Variants in PPP1R9A observed in about 807,000 individuals in gnomAD.
PPP1R9A encodes the protein protein phosphatase 1 regulatory subunit 9A.
Under a neutral mutation model 141.9 loss-of-function variants are expected in PPP1R9A, and 59 were observed. The ratio of observed to expected loss-of-function variants is 0.42; its 90% confidence interval spans 0.34 to 0.52. The LOEUF (loss-of-function observed/expected upper bound fraction) is 0.52. Among genes scored for constraint, PPP1R9A ranks in the 20% least tolerant of loss-of-function variants. The pLI, the probability that PPP1R9A is intolerant of heterozygous loss-of-function variation, is 0.10. For missense variants in PPP1R9A, 1,444 were observed against 1,611.9 expected (o/e 0.90, Z 1.78); for synonymous variants, 500 against 569.7 (o/e 0.88, Z 1.74).
chr7:95,048,936 C>G (rs1193723287), intron 2 of PPP1R9A, among the ~76,000 whole-genome samples: 1 of 151,956 alleles, frequency 6.6e-6, no homozygotes, highest in Admixed American at 6.6e-5. Flanking sequence ...TCAGTTATAT[C>G]TATAAATTTA....
At chr7:95,250,877 A>G (rs1798782280) in intron 10 of PPP1R9A, among the ~76,000 whole-genome samples, 1 of 151,206 alleles carries the variant, frequency 6.6e-6, no homozygotes, top group Non-Finnish European at 1.5e-5. Context: ...CATCTCTTGG[A>G]TCTCGGTGTA....
At position 95,286,345 on chromosome 7, in the gene PPP1R9A, A is replaced by G; in HGVS notation, c.3729+20A>G. On this transcript the variant is annotated intron_variant, in intron 18 of 19. Transcript: ENST00000433360. Reference sequence around the variant, plus strand: ...GATGAGGTAATTCCATGGCACTATGACAGAGCTGCTTTGTCAAATCTGACG... The same window carrying G: ...GATGAGGTAATTCCATGGCACTATGGCAGAGCTGCTTTGTCAAATCTGACG... 1 of 1,610,794 alleles carries G rather than the reference A, an allele frequency of 6.2e-7. No individual in the cohort carries two copies. Among genetic ancestry groups the G allele is most frequent in the Non-Finnish European group, 8.5e-7 (1 of 1,178,512 alleles).
intron 2 of PPP1R9A, among the ~76,000 whole-genome samples, chr7:95,101,525 T>A (rs1818796060): frequency 6.6e-6 from 1 of 152,164 alleles, no homozygotes; most frequent in Non-Finnish European, 1.5e-5. Context: ...TGAAAGGTCT[T>A]GCCTCCGCAG....
intron 10 of PPP1R9A, among the ~76,000 whole-genome samples, chr7:95,250,505 C>T (rs905362436): frequency 6.6e-6 from 1 of 152,052 alleles, no homozygotes; most frequent in Non-Finnish European, 1.5e-5. Context: ...GATAATTAAT[C>T]GTTGTTTATA....
chr7:95,095,714 T>C lies in PPP1R9A; in HGVS notation c.1396-15545T>C, dbSNP rs573570798. On this transcript the variant is annotated intron_variant, in intron 2 of 19. Coordinates refer to ENST00000433360, the MANE Select transcript of PPP1R9A (RefSeq NM_001166160.2). ...CTGCTTTTTCAGGGTAACATGATTATTTTTTAACATGGATCACAGCTGCCC... is the reference window on the plus strand; with the variant it reads ...CTGCTTTTTCAGGGTAACATGATTACTTTTTAACATGGATCACAGCTGCCC... Among the ~76,000 whole-genome samples the C allele has an allele frequency of 1.1e-4, 17 of 152,328 alleles. 1 individual carries two copies. The South Asian group carries it at 3.5e-3, about 32-fold the overall frequency.
intron 2 of PPP1R9A, among the ~76,000 whole-genome samples, chr7:95,078,494 C>T (rs1250540206): frequency 6.6e-6 from 1 of 151,690 alleles, no homozygotes; most frequent in Non-Finnish European, 1.5e-5. Flanking sequence ...GGGTATATAC[C>T]CAGTAATGGG....
chr7:94,970,673 T>C (rs1157046105), intron 2 of PPP1R9A, among the ~76,000 whole-genome samples: 1 of 150,292 alleles, frequency 6.7e-6, no homozygotes, highest in East Asian at 2.0e-4. Flanking sequence ...TCTCTCTCTG[T>C]TGCCCAGGCT....
chr7:95,217,206 TC>T (rs1420775361), intron 7 of PPP1R9A, among the ~76,000 whole-genome samples: 1 of 152,224 alleles, frequency 6.6e-6, no homozygotes, highest in African/African-American at 2.4e-5. Context: ...AAAGGCCTTT[TC>T]TGCATCTATT....
At chr7:95,069,526 C>T (rs774717674) in intron 2 of PPP1R9A, among the ~76,000 whole-genome samples, 18 of 151,920 alleles carry the variant, frequency 1.2e-4, no homozygotes, top group East Asian at 1.9e-4. Flanking sequence ...AGACACTCCA[C>T]GGGTACCCCA....
chr7:94,964,694 A>G (rs1238545607), intron 2 of PPP1R9A, among the ~76,000 whole-genome samples: 2 of 152,168 alleles, frequency 1.3e-5, no homozygotes, highest in African/African-American at 4.8e-5. Context: ...ATAGTATTCC[A>G]TGGTATATAT....
At chr7:95,198,876 C>CA (rs1788901874) in intron 6 of PPP1R9A, among the ~76,000 whole-genome samples, 1 of 151,944 alleles carries the variant, frequency 6.6e-6, no homozygotes, top group Non-Finnish European at 1.5e-5. Context: ...AATGCTTTTC[C>CA]AAAAAATCAG....
chr7:94,908,660 C>T (rs1463721651), intron 1 of PPP1R9A: 1 of 152,270 alleles, frequency 6.6e-6, no homozygotes, highest in Non-Finnish European at 1.5e-5. Context: ...CCCCATCTCC[C>T]CCGCCCCCGC....
intron 16 of PPP1R9A, among the ~76,000 whole-genome samples, chr7:95,274,419 T>C (rs146955387): frequency 9.8e-4 from 150 of 152,352 alleles, no homozygotes; most frequent in African/African-American, 3.2e-3. Flanking sequence ...AATAAGTGTT[T>C]ATCTAAATTC....
At chr7:95,252,611 G>T (rs1799045576) in intron 12 of PPP1R9A, among the ~76,000 whole-genome samples, 1 of 151,690 alleles carries the variant, frequency 6.6e-6, no homozygotes, top group Non-Finnish European at 1.5e-5. Context: ...GTGACTATAG[G>T]CATGTGCTAC....
At chr7:95,027,355 G>T (rs2151783235) in intron 2 of PPP1R9A, among the ~76,000 whole-genome samples, 1 of 152,228 alleles carries the variant, frequency 6.6e-6, no homozygotes, top group Non-Finnish European at 1.5e-5. Flanking sequence ...CTGACCTCTT[G>T]CACTTCCTGG....
At chr7:95,062,653 G>T (rs1377931643) in intron 2 of PPP1R9A, among the ~76,000 whole-genome samples, 1 of 151,960 alleles carries the variant, frequency 6.6e-6, no homozygotes, top group Non-Finnish European at 1.5e-5. Flanking sequence ...CTCCCAAAGT[G>T]CTGGGATTAC....
chr7:95,172,543 CAA>C (rs1417108706), intron 5 of PPP1R9A, among the ~76,000 whole-genome samples: 3 of 151,666 alleles, frequency 2.0e-5, no homozygotes, highest in African/African-American at 7.2e-5. Flanking sequence ...TGACAGCATC[CAA>C]AATATTAAAT....
In PPP1R9A at chr7:95,200,269, CTT is replaced by C. The variant is rs761784471; in HGVS notation, c.1890+1797_1890+1798del. ...CCAAAAGTTGATATAAAATTTTGCT[CTT>C]TTTTTTTTTTTACGACACAGGGTCT... On this transcript the variant is annotated intron_variant, in intron 6 of 19. Coordinates refer to ENST00000433360, the MANE Select transcript of PPP1R9A (RefSeq NM_001166160.2). Among the ~76,000 whole-genome samples, 648 of 143,892 alleles carry C rather than the reference CTT, an allele frequency of 4.5e-3. 4 individuals are homozygous for C. Among genetic ancestry groups the C allele is most frequent in the African/African-American group, 0.014 (568 of 39,392 alleles). The allele number at this position is 143,892 out of a possible 152,430, so 94.4% of individuals were successfully genotyped here.
chr7:94,978,349 A>G (rs1042965699), intron 2 of PPP1R9A, among the ~76,000 whole-genome samples: 1 of 152,242 alleles, frequency 6.6e-6, no homozygotes, highest in Admixed American at 6.5e-5. Context: ...ATTTATGATT[A>G]TAGAGTAGAC....
Sources: allele counts gnomAD v4.1 joint callset (sites outside exome capture counted in the v4.1 genomes callset), GRCh38; gene constraint gnomAD v4.1.1; transcripts MANE v1.5; gene names NCBI Gene and HGNC (gene_info 2026-07-23, HGNC 2026-07-21).